CGNL1: variants seen among roughly 807,000 people sequenced by gnomAD.
CGNL1 encodes cingulin like 1.
In CGNL1, 132 loss-of-function variants were observed where a neutral mutation model predicts 141.2. The observed-to-expected ratio is 0.93, with a 90% CI of 0.81 to 1.08. CGNL1 has a LOEUF of 1.08. Among genes scored for constraint, CGNL1 ranks in the 50% least tolerant of loss-of-function variants. The pLI is 0.00. For missense variants in CGNL1, 1,870 were observed against 1,588.6 expected (o/e 1.18, Z -3.01); for synonymous variants, 690 against 622.1 (o/e 1.11, Z -1.63).
intron 4 of CGNL1, among the ~76,000 whole-genome samples, chr15:57,447,744 A>C (rs1003002994): frequency 5.3e-5 from 8 of 151,614 alleles, no homozygotes; most frequent in Admixed American, 2.6e-4. Context: ...CTCCAATTAC[A>C]TGTATCTTAG....
At chr15:57,492,576 G>A (rs2063881063) in intron 8 of CGNL1, among the ~76,000 whole-genome samples, 4 of 152,106 alleles carry the variant, frequency 2.6e-5, no homozygotes, top group Admixed American at 1.3e-4. Flanking sequence ...GGATAGTGAG[G>A]ACAAATAGAA....
At chr15:57,484,412 G>T (rs979665937) in intron 8 of CGNL1, among the ~76,000 whole-genome samples, 2 of 151,764 alleles carry the variant, frequency 1.3e-5, no homozygotes, top group African/African-American at 4.8e-5. Context: ...ATGTCTGCAG[G>T]GTCTGTGGTA....
At chr15:57,411,534 A>G (rs2062787367) in intron 1 of CGNL1, among the ~76,000 whole-genome samples, 1 of 150,162 alleles carries the variant, frequency 6.7e-6, no homozygotes, top group African/African-American at 2.5e-5. Context: ...ACCTCCACCT[A>G]CCAGGTTCAA....
chr15:57,468,299 G>A (rs1234537335), intron 8 of CGNL1, among the ~76,000 whole-genome samples: 3 of 130,386 alleles, frequency 2.3e-5, no homozygotes, highest in African/African-American at 8.9e-5. Context: ...GGAGTGCAGT[G>A]GCACGATCTC....
chr15:57,450,526 C>G (rs1256561934), intron 4 of CGNL1, among the ~76,000 whole-genome samples: 1 of 152,208 alleles, frequency 6.6e-6, no homozygotes, highest in Non-Finnish European at 1.5e-5. Context: ...ATCGTTCTGC[C>G]TCGGCCTCCC....
chr15:57,505,666 C>T (rs923357802), intron 8 of CGNL1, among the ~76,000 whole-genome samples: 15 of 152,182 alleles, frequency 9.9e-5, no homozygotes, highest in African/African-American at 3.6e-4. Flanking sequence ...CAGGCTCTTG[C>T]CTACCGAGAC....
chr15:57,499,132 C>G (rs1269273439), intron 8 of CGNL1, among the ~76,000 whole-genome samples: 1 of 151,600 alleles, frequency 6.6e-6, no homozygotes, highest in African/African-American at 2.4e-5. Context: ...TTGCTGTTGC[C>G]CAGGAAGGAA....
intron 8 of CGNL1, among the ~76,000 whole-genome samples, chr15:57,499,868 G>C (rs1375585751): frequency 6.6e-6 from 1 of 152,212 alleles, no homozygotes; most frequent in Admixed American, 6.5e-5. Context: ...AGATCAGATG[G>C]AATAGGTAGA....
intron 8 of CGNL1, among the ~76,000 whole-genome samples, chr15:57,512,371 T>A (rs1427782563): frequency 6.6e-6 from 1 of 152,118 alleles, no homozygotes; most frequent in Middle Eastern, 3.2e-3. Context: ...ATATAAAAGG[T>A]GAGCTGGCCA....
At position 57,470,610 on chromosome 15, in the gene CGNL1, A is replaced by T. The variant is rs187666551; in HGVS notation, c.2403+8718A>T. Among the ~76,000 whole-genome samples the T allele has an allele frequency of 1.6e-3, 246 of 152,292 alleles. 1 individual carries two copies. The highest frequency in any genetic ancestry group is 5.8e-3 in the African/African-American group (240 of 41,554). On this transcript the variant is annotated intron_variant, in intron 8 of 18. Transcript: ENST00000281282. ...GTGGGTTAGGCTGTAGAAGACAAAG[A>T]TATGCTGGTTTATCTTTAGATATGC...
chr15:57,410,233 A>G lies in CGNL1; in HGVS notation c.-15-27752A>G, dbSNP rs1016854579. 2.6e-5 allele frequency among the ~76,000 whole-genome samples: 4 copies of G among 152,356 alleles called. No homozygotes were observed. The South Asian group carries it at 8.3e-4, about 32-fold the overall frequency. On this transcript the variant is annotated intron_variant, in intron 1 of 18. Transcript: ENST00000281282. ...TGTCAGTTGTCAGCTTCACAATCAA[A>G]TTACTTGAAGTCATTGTCCTTCAGT...
At chr15:57,418,836 C>A (rs2062879966) in intron 1 of CGNL1, among the ~76,000 whole-genome samples, 1 of 152,108 alleles carries the variant, frequency 6.6e-6, no homozygotes, top group South Asian at 2.1e-4. Context: ...CTGCGCTGGC[C>A]GTCCGACATG....
intron 8 of CGNL1, among the ~76,000 whole-genome samples, chr15:57,504,940 G>A (rs1485678460): frequency 3.3e-5 from 5 of 152,190 alleles, no homozygotes; most frequent in African/African-American, 1.2e-4. Context: ...AAACAGATGA[G>A]GGCTGGCCCT....
At chr15:57,482,061 G>A (rs1167226328) in intron 8 of CGNL1, among the ~76,000 whole-genome samples, 1 of 151,824 alleles carries the variant, frequency 6.6e-6, no homozygotes, top group Non-Finnish European at 1.5e-5. Context: ...ATCCTCTTTG[G>A]TGAAATATCT....
chr15:57,526,662 A>G (rs918388388), intron 12 of CGNL1, among the ~76,000 whole-genome samples: 5 of 152,008 alleles, frequency 3.3e-5, no homozygotes, highest in African/African-American at 1.2e-4. Context: ...GCAAAGGGTG[A>G]TTTTAACTAC....
chr15:57,470,405 C>T (rs1246648644), intron 8 of CGNL1, among the ~76,000 whole-genome samples: 1 of 151,978 alleles, frequency 6.6e-6, no homozygotes, highest in Non-Finnish European at 1.5e-5. Flanking sequence ...GGCCCAGTGC[C>T]CCATTCTGTG....
Position 57,528,658 on chromosome 15 carries a change from G to A in CGNL1, c.3044G>A (p.Arg1015His), listed in dbSNP as rs774001238. Residue 1015 changes from arginine (R) to histidine (H), a missense_variant, in exon 13 of 19, where the codon CGT (arginine) becomes CAT (histidine). Coordinates refer to ENST00000281282, the MANE Select transcript of CGNL1 (RefSeq NM_032866.5). Reference protein sequence around the residue: ...LTAMKMQDEMRLMEEELRDYQ... With the variant: ...LTAMKMQDEMHLMEEELRDYQ... ...CCCAGCTGTCTCTCCTCCTAGATGC[G>A]TCTGATGGAGGAAGAGTTACGGGAC... The A allele has an allele frequency of 3.7e-5, 60 of 1,613,854 alleles. No homozygotes were observed. The East Asian group carries it at 5.1e-4, about 14-fold the overall frequency.
intron 1 of CGNL1, among the ~76,000 whole-genome samples, chr15:57,410,939 G>A (rs577956345): frequency 1.3e-5 from 2 of 152,314 alleles, no homozygotes; most frequent in East Asian, 1.9e-4. Context: ...AATATGTGGT[G>A]TTGGTGTTTT....
chr15:57,445,843 A>C (rs1461400805), intron 4 of CGNL1, among the ~76,000 whole-genome samples: 2 of 152,316 alleles, frequency 1.3e-5, no homozygotes, highest in Non-Finnish European at 2.9e-5. Context: ...TTTTGAGAGA[A>C]TCATCATGTT....
Sources: gnomAD v4.1 joint callset for allele counts (sites outside exome capture counted in the v4.1 genomes callset) on GRCh38, gnomAD v4.1.1 for gene constraint, MANE v1.5 for transcripts, NCBI Gene and HGNC (gene_info 2026-07-23, HGNC 2026-07-21) for gene names.